NEAT1: variants seen among roughly 807,000 people sequenced by gnomAD.
The protein encoded by NEAT1 is MENepsilon/beta.
chr11:65,435,914 C>T (rs971706742), exon 1 of NEAT1: 3 of 152,206 alleles, frequency 2.0e-5, no homozygotes. Flanking sequence ...AGGAAAGCGT[C>T]TGTGACATTT....
At position 65,434,939 on chromosome 11, in the gene NEAT1, G is replaced by C. The variant is rs577267763; in HGVS notation, n.12142G>C. The C allele has an allele frequency of 4.6e-5, 7 of 152,282 alleles. No homozygotes were observed. In the South Asian group the frequency reaches 1.5e-3, roughly 32 times the overall value. 9.4% of individuals were successfully genotyped at this position (152,282 alleles called of 1,614,324 possible). On this transcript the variant is annotated non_coding_transcript_exon_variant, in exon 1 of 1. Transcript: ENST00000501122. The stretch of plus-strand genomic sequence containing the variant: ...CTGTGTGTGAATTTAGCATTCATGG[G>C]CTTAATGCTGACAAGGCCCCCAGGG...
exon 1 of NEAT1, chr11:65,444,496 T>C: frequency 2.1e-6 from 1 of 483,042 alleles, no homozygotes; most frequent in Non-Finnish European, 4.3e-6. Flanking sequence ...TCTGAGCTCC[T>C]TAGCACTAGC....
chr11:65,428,155 G>A (rs537754249), exon 1 of NEAT1: 2 of 152,354 alleles, frequency 1.3e-5, no homozygotes, highest in Non-Finnish European at 2.9e-5. Flanking sequence ...TTCAGACTTT[G>A]TGAATTTCCA....
chr11:65,432,593 T>C (rs554394080), exon 1 of NEAT1: 1 of 152,270 alleles, frequency 6.6e-6, no homozygotes, highest in South Asian at 2.1e-4. Context: ...AAAATGTTAA[T>C]GACTAAATAC....
At chr11:65,424,044 C>A (rs865978754) in exon 1 of NEAT1, 1 of 152,344 alleles carries the variant, frequency 6.6e-6, no homozygotes, top group South Asian at 2.1e-4. Context: ...GAGGGGAGAC[C>A]CTGGAGGAGA....
At chr11:65,443,339 G>A (rs1856732097) in exon 1 of NEAT1, 1 of 152,144 alleles carries the variant, frequency 6.6e-6, no homozygotes, top group African/African-American at 2.4e-5. Context: ...CAGACCTAAA[G>A]GTGTGCACAC....
At chr11:65,425,092 A>G (rs1481867249) in exon 1 of NEAT1, 1 of 152,148 alleles carries the variant, frequency 6.6e-6, no homozygotes, top group Non-Finnish European at 1.5e-5. Context: ...GGGTGAGCCA[A>G]GAAAATACTA....
At chr11:65,429,592 TA>T (rs1217250668) in exon 1 of NEAT1, 1 of 152,168 alleles carries the variant, frequency 6.6e-6, no homozygotes, top group Non-Finnish European at 1.5e-5. Flanking sequence ...AGGATATTGA[TA>T]ATCTTTTGTT....
exon 1 of NEAT1, chr11:65,437,167 TA>T (rs2134902469): frequency 6.9e-6 from 1 of 145,482 alleles, no homozygotes; most frequent in Non-Finnish European, 1.5e-5. Context: ...TTTATTGTAA[TA>T]TTTTGCTCTT....
exon 1 of NEAT1, chr11:65,423,027 C>G (rs549049236): frequency 7.9e-5 from 12 of 152,444 alleles, no homozygotes; most frequent in Admixed American, 1.3e-4. Flanking sequence ...AACAGCCACG[C>G]TCCAGGCCAG....
chr11:65,428,873 A>T (rs1856587896), exon 1 of NEAT1: 1 of 152,124 alleles, frequency 6.6e-6, no homozygotes. Context: ...CAAATAAGGA[A>T]ATTTTTTTTA....
chr11:65,443,237 A>T (rs1186229487), exon 1 of NEAT1: 1 of 152,024 alleles, frequency 6.6e-6, no homozygotes, highest in Non-Finnish European at 1.5e-5. Context: ...ATGTGTTTTG[A>T]TGCAGGGTGA....
Position 65,444,783 on chromosome 11 carries a change from G to A in NEAT1, n.21986G>A, listed in dbSNP as rs187436377. 313 of 278,612 alleles carry A rather than the reference G, an allele frequency of 1.1e-3. 2 individuals are homozygous for A. Among genetic ancestry groups the A allele is most frequent in the African/African-American group, 6.7e-3 (297 of 44,614 alleles). 17.3% of individuals were successfully genotyped at this position (278,612 alleles called of 1,614,324 possible). A position where few individuals can be genotyped will look rare whatever the true frequency, so the allele number is the denominator to read the frequency against. ...AAGTGACAGGAGAAAGGCTGGTGGG[G>A]CCCTGTGCTTCCGACTTCATTTCGA... On this transcript the variant is annotated non_coding_transcript_exon_variant, in exon 1 of 1. Transcript: ENST00000501122.
At chr11:65,427,698 C>T (rs1057473046) in exon 1 of NEAT1, 1 of 152,190 alleles carries the variant, frequency 6.6e-6, no homozygotes, top group Non-Finnish European at 1.5e-5. Flanking sequence ...ATCCAGGCCT[C>T]CTTTCCTATC....
chr11:65,425,550 C>G (rs929875468), exon 1 of NEAT1: 1 of 152,120 alleles, frequency 6.6e-6, no homozygotes, highest in Non-Finnish European at 1.5e-5. Flanking sequence ...TTTTCAGGAG[C>G]TGGAAGTCTT....
exon 1 of NEAT1, chr11:65,444,527 TC>T: frequency 2.0e-6 from 1 of 496,344 alleles, no homozygotes; most frequent in Non-Finnish European, 4.2e-6. Context: ...CCAGGGGCCC[TC>T]CCTCCATGGC....
At chr11:65,440,202 ATC>A (rs1856701173) in exon 1 of NEAT1, 1 of 151,186 alleles carries the variant, frequency 6.6e-6, no homozygotes, top group Non-Finnish European at 1.5e-5. Context: ...TCCTTTTATC[ATC>A]TGATGATGAA....
exon 1 of NEAT1, chr11:65,432,363 T>C (rs1028123160): frequency 2.0e-5 from 3 of 152,154 alleles, no homozygotes; most frequent in African/African-American, 7.2e-5. Flanking sequence ...AACCTTATCC[T>C]CCATTTTTCC....
exon 1 of NEAT1, chr11:65,428,134 A>G (rs1856580311): frequency 6.6e-6 from 1 of 152,252 alleles, no homozygotes; most frequent in Non-Finnish European, 1.5e-5. Context: ...ATCCTTATGC[A>G]TAGATCTGAA....
Sources: gnomAD v4.1 joint callset for allele counts on GRCh38, gnomAD v4.1.1 for gene constraint, MANE v1.5 for transcripts, NCBI Gene and HGNC (gene_info 2026-07-23, HGNC 2026-07-21) for gene names.